FLNC: variants seen among roughly 807,000 people sequenced by gnomAD.
The protein encoded by FLNC is filamin-C.
In FLNC, 91 loss-of-function variants were observed where a neutral mutation model predicts 254.3. The ratio of observed to expected loss-of-function variants is 0.36; its 90% CI spans 0.30 to 0.43. FLNC has a LOEUF of 0.43. Among genes scored for constraint, FLNC ranks in the 20% least tolerant of loss-of-function variants. The probability of loss-of-function intolerance (pLI) is 1.00; values close to 1 mark genes in which losing one functional copy is unlikely to be tolerated. For missense variants in FLNC, 2,853 were observed against 3,802.6 expected (o/e 0.75, Z 6.57); for synonymous variants, 1,430 against 1,577.2 (o/e 0.91, Z 2.21).
intron 23 of FLNC, 43 bp from the exon 24 acceptor site, chr7:128,846,702 C>T: frequency 6.3e-7 from 1 of 1,598,034 alleles, no homozygotes; most frequent in Non-Finnish European, 8.6e-7. Context: ...CTCATCCTCA[C>T]TCACTGGTCT....
chr7:128,841,049 G>A lies in FLNC; in HGVS notation c.1813+79G>A, dbSNP rs1184832380. The stretch of plus-strand genomic sequence containing the variant: ...ACACTGTGGGTAATGGGTGCAGTGC[G>A]CATGCTGGGGAGCGCTGGGGTGAGC... On this transcript the variant is annotated intron_variant, in intron 11 of 47. Transcript: ENST00000325888. The surrounding 1 kb of genome is among the most constrained non-coding windows in gnomAD (Gnocchi z 4.3). The A allele has an allele frequency of 1.2e-5, 18 of 1,559,432 alleles. No homozygotes were observed. Among genetic ancestry groups the A allele is most frequent in the East Asian group, 4.6e-5 (2 of 43,340 alleles).
intron 33 of FLNC, 121 bp from the exon 34 acceptor site, chr7:128,851,111 C>T: frequency 1.3e-6 from 2 of 1,556,874 alleles, no homozygotes; most frequent in Admixed American, 1.7e-5. Flanking sequence ...CCTCCACCAG[C>T]TGGGTCCCTA....
At chr7:128,852,480 C>A in intron 35 of FLNC, 111 bp from the exon 36 acceptor site, 2 of 1,256,814 alleles carry the variant, frequency 1.6e-6, no homozygotes, top group Non-Finnish European at 1.2e-6. Flanking sequence ...CTGGGAGTGG[C>A]CCCCCGTGTC....
intron 20 of FLNC, 135 bp downstream of exon 20, chr7:128,844,401 C>T (rs1808469056): frequency 1.8e-6 from 2 of 1,128,434 alleles, no homozygotes; most frequent in Non-Finnish European, 2.5e-6. Context: ...TGAGGCCAGC[C>T]CCACCCCACC....
chr7:128,837,970 T>C lies in FLNC; in HGVS notation c.970-17T>C, dbSNP rs1201675982. 1.2e-6 allele frequency: 2 copies of C among 1,611,190 alleles called. No individual in the cohort carries two copies. The highest frequency in any genetic ancestry group is 1.1e-5 in the South Asian group (1 of 91,036). On this transcript the variant is annotated splice_polypyrimidine_tract_variant and intron_variant, in intron 5 of 47. Coordinates refer to ENST00000325888, the MANE Select transcript of FLNC (RefSeq NM_001458.5). ...ATGGTCATTGGAGAGGCTTCCAATCTTTTTCCTTCCTAATAGGCTAAGGTG... is the reference window on the plus strand; with the variant it reads ...ATGGTCATTGGAGAGGCTTCCAATCCTTTTCCTTCCTAATAGGCTAAGGTG...
chr7:128,846,540 C>T, intron 23 of FLNC, 77 bp downstream of exon 23: 1 of 1,558,532 alleles, frequency 6.4e-7, no homozygotes, highest in Non-Finnish European at 8.7e-7. Context: ...ATCCCTCTGC[C>T]TGGGCCTCAG....
intron 35 of FLNC, among the ~76,000 whole-genome samples, chr7:128,851,935 G>A (rs545051966): frequency 2.6e-4 from 39 of 152,232 alleles, no homozygotes; most frequent in African/African-American, 8.9e-4. Context: ...GCACGATCTC[G>A]GCTCACTGCA....
At position 128,855,330 on chromosome 7, in the gene FLNC, G is replaced by C. The variant is rs573245805; in HGVS notation, c.7251+16G>C. The C allele has an allele frequency of 3.0e-5, 45 of 1,510,966 alleles. No individual in the cohort carries two copies. Among genetic ancestry groups the C allele is most frequent in the South Asian group, 2.4e-4 (21 of 88,912 alleles). The allele number at this position is 1,510,966 out of a possible 1,614,324, so 93.6% of individuals were successfully genotyped here. On this transcript the variant is annotated intron_variant, in intron 43 of 47. Coordinates refer to ENST00000325888, the MANE Select transcript of FLNC (RefSeq NM_001458.5). ...CAGCCTCCAGGTTTGTGCCCAGGGT[G>C]GGGGTGGAGGGTTTCTGCTATCTGA...
rs754076573 is a variant in FLNC at position 128,847,956 on chromosome 7, C to T, written c.4468C>T (p.Pro1490Ser). 30 of 1,613,430 alleles carry T rather than the reference C, an allele frequency of 1.9e-5. No homozygotes were observed. Among genetic ancestry groups the T allele is most frequent in the Admixed American group, 1.7e-4 (10 of 59,934 alleles). Reference protein sequence around the residue: ...AVLGPTGVAEPVEVRDNGDGT... With the variant: ...AVLGPTGVAESVEVRDNGDGT... ...TGCCCCTTGCCCAGGTGTGGCCGAGCCTGTGGAGGTGCGGGACAATGGAGA... is the reference window on the plus strand; with the variant it reads ...TGCCCCTTGCCCAGGTGTGGCCGAGTCTGTGGAGGTGCGGGACAATGGAGA... The change falls in exon 26 of 48, where the codon CCT becomes TCT. Residue 1490 changes from proline to serine, a missense_variant. Coordinates refer to ENST00000325888, the MANE Select transcript of FLNC (RefSeq NM_001458.5).
chr7:128,838,448 G>A lies in FLNC; in HGVS notation c.1210+19G>A. The A allele has an allele frequency of 6.2e-7, 1 of 1,613,286 alleles. No individual in the cohort carries two copies. Among genetic ancestry groups the A allele is most frequent in the Non-Finnish European group, 8.5e-7 (1 of 1,179,710 alleles). ...ACTGCGGGTAGGACGGGCCCCAGGG[G>A]GTGCAGGTGGAAAGCCCCTGACCAT... On this transcript the variant is annotated intron_variant, in intron 7 of 47. Transcript: ENST00000325888.
intron 35 of FLNC, 117 bp downstream of exon 35, chr7:128,851,745 A>G: frequency 9.7e-7 from 1 of 1,026,712 alleles, no homozygotes; most frequent in East Asian, 2.5e-5. Context: ...AGGCCCTTCA[A>G]GGTGTGAGGG....
Position 128,844,886 on chromosome 7 carries a change from C to G in FLNC, c.3421C>G (p.Pro1141Ala). ...INILFAEAHI[P>A]GSPFKATIRP... is the part of the protein sequence containing the mutation. The stretch of plus-strand genomic sequence containing the variant: ...CATCCTGTTTGCTGAGGCCCACATC[C>G]CTGGCTCGCCCTTCAAAGCCACCAT... Residue 1141 changes from proline (P) to alanine (A), a missense_variant, in exon 21 of 48, where the codon CCT (proline) becomes GCT (alanine). Pro to Ala is a conservative substitution (Grantham distance 27, BLOSUM62 -1). Transcript: ENST00000325888. The G allele has an allele frequency of 6.2e-7, 1 of 1,613,996 alleles. No individual in the cohort carries two copies. Among genetic ancestry groups the G allele is most frequent in the Non-Finnish European group, 8.5e-7 (1 of 1,180,052 alleles).
rs1000464437 is a variant in FLNC at position 128,846,569 on chromosome 7, CAG to C, written c.4127+107_4127+108del. 6 of 1,470,688 alleles carry C rather than the reference CAG, an allele frequency of 4.1e-6. No homozygotes were observed. The African/African-American group carries it at 5.5e-5, about 14-fold the overall frequency. The allele number at this position is 1,470,688 out of a possible 1,614,324, so 91.1% of individuals were successfully genotyped here. On this transcript the variant is annotated intron_variant, in intron 23 of 47. Transcript: ENST00000325888. Reference sequence around the variant, plus strand: ...GCCTCAGCCCCACCCCATCCTCTCTCAGGGGTGAGGCAGGAGCAGACCCCCTC... The same window carrying C: ...GCCTCAGCCCCACCCCATCCTCTCTCGGGTGAGGCAGGAGCAGACCCCCTC...
rs1033372676 is a variant in FLNC, at chr7:128,859,260, T to A, written c.*737T>A. 2.6e-5 allele frequency: 4 copies of A among 152,682 alleles called. No homozygotes were observed. Among genetic ancestry groups the A allele is most frequent in the African/African-American group, 7.2e-5 (3 of 41,430 alleles). 9.5% of individuals were successfully genotyped at this position (152,682 alleles called of 1,614,324 possible). Reference sequence around the variant, plus strand: ...CTTAGGTGGAAAACTCCAAATAAAGTGCGGCTGTCGCAGAGGGTTGGCTGT... The same window carrying A: ...CTTAGGTGGAAAACTCCAAATAAAGAGCGGCTGTCGCAGAGGGTTGGCTGT... On this transcript the variant is annotated 3_prime_UTR_variant, in exon 48 of 48. Coordinates refer to ENST00000325888, the MANE Select transcript of FLNC (RefSeq NM_001458.5).
Position 128,830,608 on chromosome 7 carries a change from G to C in FLNC, c.-30G>C, listed in dbSNP as rs755817874. ...CCCGATAGCCCAAACCGCGGCCCTA[G>C]CCCCGGCCGCACCCCCAGCCCGCGC... On this transcript the variant is annotated 5_prime_UTR_variant, in exon 1 of 48. Coordinates refer to ENST00000325888, the MANE Select transcript of FLNC (RefSeq NM_001458.5). 2.0e-5 allele frequency: 32 copies of C among 1,605,648 alleles called. No individual in the cohort carries two copies. The highest frequency in any genetic ancestry group is 2.7e-5 in the African/African-American group (2 of 74,706).
chr7:128,833,009 A>C (rs1807954827), intron 1 of FLNC, among the ~76,000 whole-genome samples: 1 of 152,160 alleles, frequency 6.6e-6, no homozygotes, highest in Admixed American at 6.5e-5. Context: ...GGGTGTCAGA[A>C]AGACTCCCCA....
At position 128,856,753 on chromosome 7, in the gene FLNC, A is replaced by G. The variant is rs1446173400; in HGVS notation, c.7393A>G (p.Thr2465Ala). The G allele has an allele frequency of 6.2e-7, 1 of 1,614,006 alleles. No homozygotes were observed. Among genetic ancestry groups the G allele is most frequent in the South Asian group, 1.1e-5 (1 of 91,082 alleles). Residue 2465 changes from threonine (T) to alanine (A), a missense_variant, in exon 45 of 48, where the codon ACC becomes GCC. Around this residue, in one of 10 missense-constraint regions of FLNC, gnomAD observed 197 missense variants for 351.5 expected, o/e 0.56. Coordinates refer to ENST00000325888, the MANE Select transcript of FLNC (RefSeq NM_001458.5). This position sits in a 1 kb window ranked among gnomAD's most constrained non-coding sequence, Gnocchi z 5.9. The part of the protein sequence containing the change: ...YVSELDSDKH[T>A]IRFIPHENGV... ...CAACCCTTTATCCACAGACAAGCAC[A>G]CCATCCGCTTCATCCCCCACGAGAA... is the stretch of plus-strand genomic sequence containing the variant.
At position 128,850,032 on chromosome 7, in the gene FLNC, G is replaced by T; in HGVS notation, c.5256G>T (p.Gln1752His). The T allele has an allele frequency of 6.4e-7, 1 of 1,560,398 alleles. No individual in the cohort carries two copies. ...EEPSEVPQLR[Q>H]PYAPPRPGAR... ...CCTCTGAAGTGCCACAGCTGCGCCA[G>T]CCCTACGCTCCTCCCCGGCCCGGCG... The change falls in exon 31 of 48, where the codon CAG (glutamine) becomes CAT (histidine). Residue 1752 changes from glutamine to histidine, a missense_variant. Around this residue, in one of 10 missense-constraint regions of FLNC, gnomAD observed 258 missense variants for 312.3 expected, o/e 0.83. Coordinates refer to ENST00000325888, the MANE Select transcript of FLNC (RefSeq NM_001458.5).
At chr7:128,838,233 C>T in intron 6 of FLNC, 34 bp from the exon 7 acceptor site, 1 of 1,609,792 alleles carries the variant, frequency 6.2e-7, no homozygotes, top group East Asian at 2.2e-5. Flanking sequence ...GACTGCTCTC[C>T]CCTAGAAGCT....
Sources: gnomAD v4.1 joint callset for allele counts (sites outside exome capture counted in the v4.1 genomes callset) on GRCh38, gnomAD v4.1.1 for gene constraint, gnomAD v4.1.1 regional missense constraint, Gnocchi (gnomAD v3.1) non-coding constraint, MANE v1.5 for transcripts, NCBI Gene and HGNC (gene_info 2026-07-23, HGNC 2026-07-21) for gene names.